STX8: variants seen among roughly 807,000 people sequenced by gnomAD.
STX8 encodes syntaxin 8.
STX8 carries 23 observed loss-of-function variants against 37.5 expected under a neutral mutation model. The observed-to-expected ratio is 0.61, with a 90% CI of 0.44 to 0.87. STX8 has a LOEUF of 0.87. STX8 is among the 40% of genes least tolerant of loss of function. The pLI is 0.00. For missense variants in STX8, 313 were observed against 284.7 expected (o/e 1.10, Z -0.71); for synonymous variants, 115 against 99.1 (o/e 1.16, Z -0.95).
intron 7 of STX8, among the ~76,000 whole-genome samples, chr17:9,308,007 G>A (rs1370600967): frequency 6.6e-5 from 10 of 152,172 alleles, no homozygotes; most frequent in Non-Finnish European, 1.2e-4. Flanking sequence ...GGAGGTTAGC[G>A]ATAGAAAAGC....
intron 4 of STX8, among the ~76,000 whole-genome samples, chr17:9,530,098 G>A (rs985621886): frequency 2.6e-5 from 4 of 152,082 alleles, no homozygotes; most frequent in African/African-American, 9.7e-5. Context: ...ATGAGGTCAG[G>A]AGATCGAGAC....
At chr17:9,380,248 CTG>C (rs1041301113) in intron 6 of STX8, among the ~76,000 whole-genome samples, 3 of 122,664 alleles carry the variant, frequency 2.4e-5, no homozygotes, top group Admixed American at 1.7e-4. Context: ...GTTTGAATTT[CTG>C]TGTGTTTTTT....
intron 5 of STX8, among the ~76,000 whole-genome samples, chr17:9,496,736 A>G (rs906273997): frequency 1.3e-5 from 2 of 152,172 alleles, no homozygotes; most frequent in Non-Finnish European, 2.9e-5. Context: ...GAGTCCTGAA[A>G]AGCAGAGAAC....
At chr17:9,255,815 G>A (rs1024775087) in intron 7 of STX8, among the ~76,000 whole-genome samples, 2 of 152,168 alleles carry the variant, frequency 1.3e-5, no homozygotes, top group African/African-American at 4.8e-5. Context: ...AGGTGACAGC[G>A]ATAAGCAAAA....
At chr17:9,443,658 T>C (rs894113296) in intron 6 of STX8, among the ~76,000 whole-genome samples, 5 of 152,190 alleles carry the variant, frequency 3.3e-5, no homozygotes, top group Non-Finnish European at 5.9e-5. Flanking sequence ...CAACCCTCCT[T>C]TTCCAGAGTT....
At chr17:9,426,037 C>A (rs902851876) in intron 6 of STX8, among the ~76,000 whole-genome samples, 1 of 146,454 alleles carries the variant, frequency 6.8e-6, no homozygotes, top group Non-Finnish European at 1.5e-5. Flanking sequence ...TAAAAAGCAC[C>A]CTGTTAATTA....
At chr17:9,289,342 A>C (rs550410333) in intron 7 of STX8, among the ~76,000 whole-genome samples, 3 of 152,300 alleles carry the variant, frequency 2.0e-5, no homozygotes, top group Non-Finnish European at 2.9e-5. Flanking sequence ...AAAAGAAGAA[A>C]GAGTTGATGG....
chr17:9,359,656 G>A lies in STX8; in HGVS notation c.643+18896C>T, dbSNP rs563830519. On this transcript the variant is annotated intron_variant, in intron 7 of 7. Coordinates refer to ENST00000306357, the MANE Select transcript of STX8 (RefSeq NM_004853.3). ...CCAAATAGCTGGGACTACAAGCGCC[G>A]ACCACCATGCCCGGCTAATATTTTT... Among the ~76,000 whole-genome samples the A allele has an allele frequency of 5.3e-5, 8 of 151,504 alleles. No individual in the cohort carries two copies. In the South Asian group the frequency reaches 6.3e-4, roughly 12 times the overall value.
At chr17:9,387,446 C>T (rs889436166) in intron 6 of STX8, among the ~76,000 whole-genome samples, 13 of 152,208 alleles carry the variant, frequency 8.5e-5, no homozygotes, top group African/African-American at 2.2e-4. Flanking sequence ...AGGCGCCCGC[C>T]ACCACACCCG....
chr17:9,540,671 C>A (rs571974687), intron 4 of STX8: 2 of 152,248 alleles, frequency 1.3e-5, no homozygotes, highest in Non-Finnish European at 2.9e-5. Context: ...GTTATGTCCA[C>A]GTCTACCTTC....
At chr17:9,333,248 C>T (rs1047730272) in intron 7 of STX8, among the ~76,000 whole-genome samples, 1 of 152,122 alleles carries the variant, frequency 6.6e-6, no homozygotes, top group African/African-American at 2.4e-5. Context: ...CTTTGCTCCC[C>T]TCCCTCTCTC....
chr17:9,490,478 TCTC>T (rs1035236151), intron 6 of STX8, among the ~76,000 whole-genome samples: 42 of 152,174 alleles, frequency 2.8e-4, no homozygotes, highest in African/African-American at 1.0e-3. Context: ...TTCTAGCAAT[TCTC>T]CTGCCTCAGC....
intron 7 of STX8, among the ~76,000 whole-genome samples, chr17:9,321,249 G>A (rs1909567108): frequency 6.6e-6 from 1 of 152,068 alleles, no homozygotes; most frequent in African/African-American, 2.4e-5. Context: ...TCAAAAATAG[G>A]CCAGGCGCAG....
chr17:9,487,663 ACCT>A (rs1352870876), intron 6 of STX8, among the ~76,000 whole-genome samples: 1 of 151,828 alleles, frequency 6.6e-6, no homozygotes, highest in Non-Finnish European at 1.5e-5. Context: ...ATGGAAAAAT[ACCT>A]CCTATTTGTA....
At chr17:9,453,770 G>A (rs1905112938) in intron 6 of STX8, among the ~76,000 whole-genome samples, 1 of 152,102 alleles carries the variant, frequency 6.6e-6, no homozygotes, top group South Asian at 2.1e-4. Context: ...TGGGATTACA[G>A]GTGTGAGCCA....
intron 7 of STX8, among the ~76,000 whole-genome samples, chr17:9,365,053 G>C (rs1911185081): frequency 6.6e-6 from 1 of 152,180 alleles, no homozygotes; most frequent in South Asian, 2.1e-4. Context: ...GTAATGAAGA[G>C]AAAAGAGAGT....
intron 7 of STX8, among the ~76,000 whole-genome samples, chr17:9,352,661 G>A (rs1023959763): frequency 6.6e-6 from 1 of 151,206 alleles, no homozygotes; most frequent in African/African-American, 2.4e-5. Flanking sequence ...CATCACGCCC[G>A]GCTAATTTTT....
At chr17:9,420,097 C>T (rs1913368803) in intron 6 of STX8, among the ~76,000 whole-genome samples, 1 of 152,214 alleles carries the variant, frequency 6.6e-6, no homozygotes, top group South Asian at 2.1e-4. Context: ...TCTCTTACAA[C>T]ATTCTTGGTG....
chr17:9,379,660 T>G (rs1911724475), intron 6 of STX8, among the ~76,000 whole-genome samples: 1 of 152,150 alleles, frequency 6.6e-6, no homozygotes, highest in African/African-American at 2.4e-5. Context: ...TAGTAATTAC[T>G]ATCTCTTGTA....
Sources: allele counts gnomAD v4.1 joint callset (sites outside exome capture counted in the v4.1 genomes callset), GRCh38; gene constraint gnomAD v4.1.1; transcripts MANE v1.5; gene names NCBI Gene and HGNC (gene_info 2026-07-23, HGNC 2026-07-21).